Variants in ANKRD27 observed in about 807,000 individuals in gnomAD.
ANKRD27 encodes ankyrin repeat domain-containing protein 27.
In ANKRD27, 112 loss-of-function variants were observed where a neutral mutation model predicts 129.7. The ratio of observed to expected loss-of-function variants is 0.86; its 90% CI spans 0.74 to 1.01. The LOEUF (loss-of-function observed/expected upper bound fraction) is 1.01, where lower values mean the gene tolerates loss of function less well. Among genes scored for constraint, ANKRD27 ranks in the 50% least tolerant of loss-of-function variants. The probability of loss-of-function intolerance (pLI) is 0.00; values close to 1 mark genes in which losing one functional copy is unlikely to be tolerated. For synonymous variants in ANKRD27, 516 were observed against 511.2 expected, an observed-to-expected ratio of 1.01 and a Z score of -0.13; for missense variants, 1,258 against 1,300.5, an observed-to-expected ratio of 0.97 and a Z score of 0.50.
At chr19:32,628,195 A>T in intron 14 of ANKRD27, 30 bp from the exon 15 acceptor site, 1 of 1,589,152 alleles carries the variant, frequency 6.3e-7, no homozygotes, top group Non-Finnish European at 8.6e-7. Context: ...AGAAAACTAC[A>T]CAGGGGAATG....
intron 2 of ANKRD27, among the ~76,000 whole-genome samples, chr19:32,652,619 C>A (rs530035363): frequency 2.7e-5 from 4 of 149,718 alleles, no homozygotes; most frequent in Non-Finnish European, 5.9e-5. Context: ...CCTGCAGGAG[C>A]TGCATTTTAT....
intron 7 of ANKRD27, 37 bp downstream of exon 7, chr19:32,643,394 C>G (rs1241116990): frequency 1.2e-6 from 2 of 1,613,728 alleles, no homozygotes; most frequent in African/African-American, 1.3e-5. Context: ...GAGCGGGCAA[C>G]AGGGTGTGCC....
At chr19:32,617,446 C>G in intron 21 of ANKRD27, 143 bp downstream of exon 21, 1 of 466,090 alleles carries the variant, frequency 2.1e-6, no homozygotes, top group Non-Finnish European at 3.9e-6. Flanking sequence ...ATTCAAGAGG[C>G]TGAGGCAAGA....
chr19:32,618,350 A>G (rs1271565374), intron 20 of ANKRD27, among the ~76,000 whole-genome samples: 2 of 149,818 alleles, frequency 1.3e-5, no homozygotes, highest in Non-Finnish European at 3.0e-5. Flanking sequence ...CTGTAATCCC[A>G]GCACTTTGGA....
intron 18 of ANKRD27, among the ~76,000 whole-genome samples, chr19:32,621,132 T>A (rs1204111050): frequency 1.3e-5 from 2 of 150,146 alleles, no homozygotes; most frequent in Non-Finnish European, 2.9e-5. Context: ...GTGAACAAAC[T>A]GAAAGAACAA....
At chr19:32,633,195 G>A (rs946832072) in intron 12 of ANKRD27, among the ~76,000 whole-genome samples, 6 of 152,322 alleles carry the variant, frequency 3.9e-5, no homozygotes, top group African/African-American at 1.4e-4. Flanking sequence ...GCTATTGGAA[G>A]AGAGGGGGTA....
intron 1 of ANKRD27, among the ~76,000 whole-genome samples, chr19:32,661,542 T>A (rs1468111157): frequency 6.6e-6 from 1 of 152,060 alleles, no homozygotes; most frequent in Non-Finnish European, 1.5e-5. Flanking sequence ...GAGATTTTGC[T>A]GTGTTGCCCA....
chr19:32,667,106 CCA>C lies in ANKRD27; in HGVS notation c.-31+7963_-31+7964del, dbSNP rs1342218436. Among the ~76,000 whole-genome samples the C allele has an allele frequency of 2.0e-5, 3 of 152,214 alleles. No individual in the cohort carries two copies. The East Asian group carries it at 5.8e-4, about 29-fold the overall frequency. On this transcript the variant is annotated intron_variant, in intron 1 of 28. Coordinates refer to ENST00000306065, the MANE Select transcript of ANKRD27 (RefSeq NM_032139.3). ...TGCAGTACTGCATATCAACATAGCA[CCA>C]GTTACTGCAAGCTCACATGGGACCT...
rs780471437 is a variant in ANKRD27 at position 32,602,132 on chromosome 19, A to G, written c.2656-6T>C. 2.0e-6 allele frequency: 3 copies of G among 1,534,190 alleles called. No individual in the cohort carries two copies. Among genetic ancestry groups the G allele is most frequent in the South Asian group, 2.3e-5 (2 of 87,858 alleles). ...AATTCCATTATTTTTGAATTCTGCA[A>G]TTTGAAAGGGAAAAGGAACAGTAAT... On this transcript the variant is annotated splice_region_variant and splice_polypyrimidine_tract_variant and intron_variant, in intron 25 of 28. Coordinates refer to ENST00000306065, the MANE Select transcript of ANKRD27 (RefSeq NM_032139.3).
chr19:32,605,534 C>A (rs992367770), intron 24 of ANKRD27, among the ~76,000 whole-genome samples: 1 of 152,172 alleles, frequency 6.6e-6, no homozygotes, highest in African/African-American at 2.4e-5. Flanking sequence ...GGGACAGAGG[C>A]GGCCACTCAG....
chr19:32,655,445 G>T (rs947883606), intron 2 of ANKRD27: 1 of 152,334 alleles, frequency 6.6e-6, no homozygotes, highest in Non-Finnish European at 1.5e-5. Context: ...GGGTTCTGTG[G>T]GGCAACCCTG....
intron 3 of ANKRD27, among the ~76,000 whole-genome samples, chr19:32,647,766 C>T (rs551208204): frequency 2.0e-5 from 3 of 152,328 alleles, no homozygotes; most frequent in South Asian, 4.1e-4. Context: ...TCGGGCTTTG[C>T]GCAGCTGGTC....
At chr19:32,626,919 A>G in intron 15 of ANKRD27, 92 bp from the exon 16 acceptor site, 1 of 796,704 alleles carries the variant, frequency 1.3e-6, no homozygotes, top group Non-Finnish European at 2.0e-6. Context: ...GCACCCTCCT[A>G]GTCCTGGGCA....
At chr19:32,615,173 G>T (rs1018853151) in intron 22 of ANKRD27, among the ~76,000 whole-genome samples, 2 of 152,236 alleles carry the variant, frequency 1.3e-5, no homozygotes, top group African/African-American at 4.8e-5. Context: ...GCCACGCAGG[G>T]AGCTGGCACC....
intron 20 of ANKRD27, among the ~76,000 whole-genome samples, chr19:32,618,324 A>C (rs1449541453): frequency 6.6e-6 from 1 of 151,642 alleles, no homozygotes; most frequent in Non-Finnish European, 1.5e-5. Flanking sequence ...CACTTAGCTA[A>C]GTGCAGTGGC....
chr19:32,622,050 A>G (rs959506575), intron 18 of ANKRD27, among the ~76,000 whole-genome samples: 3 of 152,022 alleles, frequency 2.0e-5, no homozygotes, highest in African/African-American at 7.2e-5. Context: ...CTCAATAAAG[A>G]CTCTAGGCAT....
intron 22 of ANKRD27, chr19:32,608,466 A>T (rs1438338296): frequency 1.4e-5 from 4 of 292,632 alleles, no homozygotes; most frequent in Non-Finnish European, 2.8e-5. Flanking sequence ...GGTTTAGGTG[A>T]GAATAATTTT....
intron 1 of ANKRD27, among the ~76,000 whole-genome samples, chr19:32,674,759 C>T (rs1967949743): frequency 6.6e-6 from 1 of 151,786 alleles, no homozygotes; most frequent in Non-Finnish European, 1.5e-5. Flanking sequence ...ACCGCCGGAC[C>T]CGGCACCCCG....
At chr19:32,622,386 G>C in intron 18 of ANKRD27, 36 bp downstream of exon 18, 1 of 1,608,050 alleles carries the variant, frequency 6.2e-7, no homozygotes. Flanking sequence ...ATCTTCTTTC[G>C]AAGTCATCTT....
Sources: gnomAD v4.1 joint callset for allele counts (sites outside exome capture counted in the v4.1 genomes callset) on GRCh38, gnomAD v4.1.1 for gene constraint, MANE v1.5 for transcripts, NCBI Gene and HGNC (gene_info 2026-07-23, HGNC 2026-07-21) for gene names.